GOLGA4: variants seen among roughly 807,000 people sequenced by gnomAD.
The protein encoded by GOLGA4 is golgin subfamily A member 4.
Under a neutral mutation model 265.9 loss-of-function variants are expected in GOLGA4, and 169 were observed. The observed-to-expected ratio is 0.64, with a 90% CI of 0.56 to 0.72. The LOEUF is 0.72. Among genes scored for constraint, GOLGA4 ranks in the 30% least tolerant of loss-of-function variants. GOLGA4 has a pLI of 0.00. For missense variants in GOLGA4, 2,482 were observed against 2,483.4 expected, an observed-to-expected ratio of 1.00 and a Z score of 0.01; for synonymous variants, 923 against 855.8, an observed-to-expected ratio of 1.08 and a Z score of -1.37.
chr3:37,334,707 T>G (rs543500938), intron 16 of GOLGA4, among the ~76,000 whole-genome samples: 15 of 152,168 alleles, frequency 9.9e-5, no homozygotes, highest in Non-Finnish European at 1.8e-4. Context: ...TATATCTAAT[T>G]GTTGCTTAAA....
In GOLGA4 at chr3:37,327,430, C is replaced by T. The variant is rs776437807; in HGVS notation, c.5544C>T (p.Thr1848=). Residue 1848 remains threonine (T), a synonymous_variant, in exon 14 of 24, where the codon ACC becomes ACT. Coordinates refer to ENST00000361924, the MANE Select transcript of GOLGA4 (RefSeq NM_002078.5). ...VQKTLQEKEL[T]CQILEQKIKE... ...AAACCCTCCAGGAGAAGGAACTAAC[C>T]TGTCAGATTTTGGAGCAAAAGATAA... The T allele has an allele frequency of 1.9e-6, 3 of 1,613,206 alleles. No homozygotes were observed. The East Asian group carries it at 6.7e-5, about 36-fold the overall frequency.
At chr3:37,337,310 T>A in intron 18 of GOLGA4, 147 bp downstream of exon 18, 1 of 617,236 alleles carries the variant, frequency 1.6e-6, no homozygotes, top group Non-Finnish European at 2.8e-6. Flanking sequence ...GGTATTCTCA[T>A]GCCTTAGTCT....
Position 37,326,794 on chromosome 3 carries a change from AT to A in GOLGA4, c.4910del (p.Leu1637Ter). 6.2e-7 allele frequency: 1 copy of A among 1,613,840 alleles called. No homozygotes were observed. The highest frequency in any genetic ancestry group is 8.5e-7 in the Non-Finnish European group (1 of 1,179,816). On this transcript the variant is annotated frameshift_variant, in exon 14 of 24. Coordinates refer to ENST00000361924, the MANE Select transcript of GOLGA4 (RefSeq NM_002078.5). LOFTEE classifies it high-confidence loss of function. ...DRLESESAAK[L>X]AELKRKAEQK... ...GGCTTGAGTCAGAAAGTGCTGCAAA[AT>A]TAGCAGAGTTGAAGAGAAAAGCTGA...
At chr3:37,245,387 A>G (rs1346757566) in intron 1 of GOLGA4, 1 of 152,390 alleles carries the variant, frequency 6.6e-6, no homozygotes, top group Non-Finnish European at 1.5e-5. Flanking sequence ...GTATTAACAC[A>G]GAAGGATATT....
intron 2 of GOLGA4, among the ~76,000 whole-genome samples, chr3:37,278,552 T>C (rs575859344): frequency 1.3e-5 from 2 of 152,248 alleles, no homozygotes; most frequent in Admixed American, 6.5e-5. Flanking sequence ...AGACTAAATA[T>C]AGTTATGGAT....
At chr3:37,331,026 G>A (rs1202445866) in intron 16 of GOLGA4, among the ~76,000 whole-genome samples, 22 of 123,324 alleles carry the variant, frequency 1.8e-4, no homozygotes, top group African/African-American at 3.1e-4. Flanking sequence ...GTGAGACTCC[G>A]TCTCAAAAAA....
chr3:37,364,892 C>T (rs952647944), intron 23 of GOLGA4, among the ~76,000 whole-genome samples: 4 of 151,908 alleles, frequency 2.6e-5, no homozygotes, highest in African/African-American at 9.7e-5. Flanking sequence ...CATGCCCAGC[C>T]AGCATTTCTA....
chr3:37,333,400 A>G (rs2096998014), intron 16 of GOLGA4, among the ~76,000 whole-genome samples: 1 of 152,196 alleles, frequency 6.6e-6, no homozygotes, highest in Admixed American at 6.5e-5. Flanking sequence ...AAATCTTAAA[A>G]TAAGACTAGA....
At chr3:37,348,346 C>T (rs1385626070) in intron 21 of GOLGA4, among the ~76,000 whole-genome samples, 1 of 152,058 alleles carries the variant, frequency 6.6e-6, no homozygotes, top group Non-Finnish European at 1.5e-5. Flanking sequence ...AAAGTAATAT[C>T]TAATATTGTG....
chr3:37,310,857 CTG>C (rs909014239), intron 10 of GOLGA4, among the ~76,000 whole-genome samples: 6 of 152,020 alleles, frequency 3.9e-5, no homozygotes, highest in African/African-American at 1.5e-4. Context: ...TGTGCCGTGA[CTG>C]TGGTTTTCCC....
chr3:37,321,567 G>A (rs1053253468), intron 12 of GOLGA4, 164 bp from the exon 13 acceptor site: 102 of 605,408 alleles, frequency 1.7e-4, no homozygotes, highest in Non-Finnish European at 2.7e-4. Context: ...AAGCCATAGT[G>A]CCTTGTTTCT....
chr3:37,274,143 G>GAA lies in GOLGA4; in HGVS notation c.163-7812_163-7811dup, dbSNP rs138320869. Among the ~76,000 whole-genome samples, 1,053 of 150,972 alleles carry GAA rather than the reference G, an allele frequency of 7.0e-3. 14 individuals are homozygous for GAA. The highest frequency in any genetic ancestry group is 0.024 in the African/African-American group (988 of 41,186). ...ATAATAATAATAATTATGAGAAAGTGAAAACTTTTTGAAAAACTGTGATCT... is the reference window on the plus strand; with the variant it reads ...ATAATAATAATAATTATGAGAAAGTGAAAAAACTTTTTGAAAAACTGTGATCT... On this transcript the variant is annotated intron_variant, in intron 2 of 23. Transcript: ENST00000361924.
At chr3:37,244,707 T>G (rs2096714116) in intron 1 of GOLGA4, among the ~76,000 whole-genome samples, 1 of 152,210 alleles carries the variant, frequency 6.6e-6, no homozygotes, top group South Asian at 2.1e-4. Context: ...TTGAAGTTGT[T>G]CTTTTTAAAT....
At chr3:37,354,856 T>G (rs573529664) in intron 21 of GOLGA4, among the ~76,000 whole-genome samples, 1 of 152,274 alleles carries the variant, frequency 6.6e-6, no homozygotes, top group East Asian at 1.9e-4. Context: ...CATTAGAATT[T>G]TATATAGCTT....
rs377379645 is a variant in GOLGA4 at position 37,315,604 on chromosome 3, A to G, written c.1413+6A>G. On this transcript the variant is annotated splice_donor_region_variant and intron_variant, in intron 11 of 23. Coordinates refer to ENST00000361924, the MANE Select transcript of GOLGA4 (RefSeq NM_002078.5). ...AGGTTGTTGATGTAATGAAAGTAAGAATAATTCTGTAATGAAATGGGCTAC... is the reference window on the plus strand; with the variant it reads ...AGGTTGTTGATGTAATGAAAGTAAGGATAATTCTGTAATGAAATGGGCTAC... 2 of 1,607,932 alleles carry G rather than the reference A, an allele frequency of 1.2e-6. No individual in the cohort carries two copies. Among genetic ancestry groups the G allele is most frequent in the African/African-American group, 2.7e-5 (2 of 74,780 alleles).
rs760206689 is a variant in GOLGA4, at chr3:37,326,701, G to A, written c.4815G>A (p.Lys1605=). Residue 1605 remains lysine, a synonymous_variant, in exon 14 of 24, where the codon AAG becomes AAA. Transcript: ENST00000361924. Reference sequence around the variant, plus strand: ...TGAAAGCTGAACTTGAAACTAAGAAGAAAGAATTAGAACATGTGAATTTAA... The same window carrying A: ...TGAAAGCTGAACTTGAAACTAAGAAAAAAGAATTAGAACATGTGAATTTAA... The part of the protein sequence containing the change: ...YSMKAELETK[K]KELEHVNLSV... 1 of 1,612,556 alleles carries A rather than the reference G, an allele frequency of 6.2e-7. No individual in the cohort carries two copies. The highest frequency in any genetic ancestry group is 8.5e-7 in the Non-Finnish European group (1 of 1,179,438).
intron 11 of GOLGA4, among the ~76,000 whole-genome samples, chr3:37,316,919 G>GT (rs1559418821): frequency 6.6e-6 from 1 of 151,008 alleles, no homozygotes; most frequent in Non-Finnish European, 1.5e-5. Context: ...TAAAAATTCA[G>GT]TTTTTTCTTT....
intron 7 of GOLGA4, among the ~76,000 whole-genome samples, chr3:37,297,785 G>A (rs2096882368): frequency 3.3e-5 from 5 of 152,172 alleles, no homozygotes; most frequent in Admixed American, 3.3e-4. Flanking sequence ...CCAACACTTT[G>A]GGAGGCTGAA....
intron 10 of GOLGA4, among the ~76,000 whole-genome samples, chr3:37,310,824 C>T (rs975993332): frequency 2.0e-5 from 3 of 151,752 alleles, no homozygotes; most frequent in Admixed American, 6.6e-5. Context: ...TGCGGCAGTT[C>T]GTGCTTAGCC....
Sources: allele counts gnomAD v4.1 joint callset (sites outside exome capture counted in the v4.1 genomes callset), GRCh38; gene constraint gnomAD v4.1.1; transcripts MANE v1.5; gene names NCBI Gene and HGNC (gene_info 2026-07-23, HGNC 2026-07-21).